ERAP2: variants seen among roughly 807,000 people sequenced by gnomAD.
ERAP2 encodes the protein endoplasmic reticulum aminopeptidase 2.
Under a neutral mutation model 111.1 loss-of-function variants are expected in ERAP2, and 118 were observed. The ratio of observed to expected loss-of-function variants is 1.06; its 90% CI spans 0.92 to 1.24. ERAP2 has a LOEUF of 1.24. Ranked by LOEUF, ERAP2 falls within the 50% of genes most tolerant of loss-of-function variation. The pLI, the probability that ERAP2 is intolerant of heterozygous loss-of-function variation, is 0.00. For synonymous variants in ERAP2, 410 were observed against 401.2 expected, an observed-to-expected ratio of 1.02 and a Z score of -0.26; for missense variants, 1,131 against 1,125.8, an observed-to-expected ratio of 1.00 and a Z score of -0.07.
chr5:96,881,575 G>T, intron 2 of ERAP2: 1 of 441,424 alleles, frequency 2.3e-6, no homozygotes, highest in South Asian at 1.6e-5. Context: ...AACCACACAG[G>T]GGCATATTTT....
intron 4 of ERAP2, among the ~76,000 whole-genome samples, chr5:96,888,391 G>C (rs1187583901): frequency 6.6e-6 from 1 of 152,114 alleles, no homozygotes; most frequent in East Asian, 1.9e-4. Context: ...TTTCAGCCTG[G>C]GTGATCTGGA....
At chr5:96,895,500 A>T in intron 7 of ERAP2, 141 bp downstream of exon 7, 1 of 656,910 alleles carries the variant, frequency 1.5e-6, no homozygotes, top group Non-Finnish European at 2.7e-6. Flanking sequence ...GATACACGAA[A>T]CAGATCACAG....
intron 1 of ERAP2, 120 bp downstream of exon 1, chr5:96,876,647 G>C (rs1782556941): frequency 6.6e-6 from 1 of 152,368 alleles, no homozygotes; most frequent in South Asian, 2.1e-4. Flanking sequence ...GCAAGGTTCT[G>C]GGGGACTGGG....
At chr5:96,887,100 T>TATACAC (rs1478213165) in intron 4 of ERAP2, among the ~76,000 whole-genome samples, 3 of 137,456 alleles carry the variant, frequency 2.2e-5, no homozygotes, top group Non-Finnish European at 4.7e-5. Flanking sequence ...TATATATATA[T>TATACAC]ACACACACAC....
chr5:96,917,411 A>G lies in ERAP2; in HGVS notation c.2740-51A>G, dbSNP rs1242097717. The stretch of plus-strand genomic sequence containing the variant: ...GCTGGGATTACAGGTGTGAACCACC[A>G]CACTCGGCCAAGACAAAGTGTTAGT... On this transcript the variant is annotated intron_variant, in intron 18 of 18. Transcript: ENST00000437043. The G allele has an allele frequency of 2.6e-6, 4 of 1,532,976 alleles. No homozygotes were observed. In the African/African-American group the frequency reaches 5.5e-5, roughly 21 times the overall value. 95.0% of individuals were successfully genotyped at this position (1,532,976 alleles called of 1,614,324 possible). A position where few individuals can be genotyped will look rare whatever the true frequency, so the allele number is the denominator to read the frequency against.
Position 96,879,700 on chromosome 5 carries a change from T to A in ERAP2, c.15T>A (p.Ser5=), listed in dbSNP as rs2151112483. Residue 5 remains serine (S), a synonymous_variant, in exon 2 of 19, where the codon TCT becomes TCA. Coordinates refer to ENST00000437043, the MANE Select transcript of ERAP2 (RefSeq NM_022350.5). MFHS[S]AMVNSHRKPM... ...GAATAGATTTCATGTTCCATTCTTC[T>A]GCAATGGTTAATTCACACAGAAAAC... The A allele has an allele frequency of 1.9e-6, 3 of 1,613,708 alleles. No individual in the cohort carries two copies. The highest frequency in any genetic ancestry group is 2.5e-6 in the Non-Finnish European group (3 of 1,179,586).
rs746235103 is a variant in ERAP2, at chr5:96,917,481, C to T, written c.2759C>T (p.Ser920Phe). 2 of 1,602,550 alleles carry T rather than the reference C, an allele frequency of 1.2e-6. No homozygotes were observed. Among genetic ancestry groups the T allele is most frequent in the East Asian group, 2.3e-5 (1 of 44,434 alleles). Residue 920 changes from serine (S) to phenylalanine (F), a missense_variant, in exon 19 of 19, where the codon TCT becomes TTT. Around this residue, in one of 3 missense-constraint regions of ERAP2, gnomAD observed 279 missense variants for 250.9 expected, o/e 1.11. Transcript: ENST00000437043. ...TTACAGGTGAAACTATTTTTTGAAT[C>T]TCTTGAGGCTCAAGGATCACATCTG... ...KLQEVKLFFE[S>F]LEAQGSHLDI...
Position 96,900,158 on chromosome 5 carries a change from G to C in ERAP2, c.1541G>C (p.Cys514Ser), listed in dbSNP as rs1785294370. 2 of 1,613,852 alleles carry C rather than the reference G, an allele frequency of 1.2e-6. No individual in the cohort carries two copies. The highest frequency in any genetic ancestry group is 4.5e-5 in the East Asian group (2 of 44,878). ...AGTGATTTTACATCTGGTGGAGTTTGTCATTCGGATCCCAAGATGACAAGT... is the reference window on the plus strand; with the variant it reads ...AGTGATTTTACATCTGGTGGAGTTTCTCATTCGGATCCCAAGATGACAAGT... ...LESDFTSGGV[C>S]HSDPKMTSNM... Residue 514 changes from cysteine (C) to serine (S), a missense_variant, in exon 10 of 19, where the codon TGT becomes TCT. Physicochemically the swap from Cys to Ser is moderately radical, Grantham distance 112 (BLOSUM62 -1). Around this residue, in one of 3 missense-constraint regions of ERAP2, gnomAD observed 847 missense variants for 856.5 expected, o/e 0.99. Transcript: ENST00000437043.
At chr5:96,882,794 C>G (rs934239150) in intron 2 of ERAP2, among the ~76,000 whole-genome samples, 1 of 152,198 alleles carries the variant, frequency 6.6e-6, no homozygotes, top group African/African-American at 2.4e-5. Context: ...GTTTCCCAGC[C>G]TGTGTCATAG....
At chr5:96,908,614 A>G (rs1454866216) in intron 13 of ERAP2, among the ~76,000 whole-genome samples, 1 of 152,242 alleles carries the variant, frequency 6.6e-6, no homozygotes, top group Non-Finnish European at 1.5e-5. Flanking sequence ...TTTGGTACTA[A>G]ATGTTAATAT....
At chr5:96,897,397 A>G (rs868671785) in intron 9 of ERAP2, among the ~76,000 whole-genome samples, 30 of 152,176 alleles carry the variant, frequency 2.0e-4, no homozygotes, top group African/African-American at 7.2e-4. Context: ...CCTCCTCCTT[A>G]CAGACTGTTC....
At chr5:96,914,981 C>T (rs911140195) in intron 17 of ERAP2, among the ~76,000 whole-genome samples, 2 of 151,222 alleles carry the variant, frequency 1.3e-5, no homozygotes, top group Non-Finnish European at 2.9e-5. Flanking sequence ...TTTACCATAC[C>T]TTAACATATG....
At chr5:96,877,516 A>G (rs901974050) in intron 1 of ERAP2, among the ~76,000 whole-genome samples, 1 of 152,250 alleles carries the variant, frequency 6.6e-6, no homozygotes, top group Admixed American at 6.5e-5. Flanking sequence ...TATATGCTCC[A>G]TGCTGTGCTG....
rs1330981907 is a variant in ERAP2, at chr5:96,880,115, G to T, written c.430G>T (p.Ala144Ser). 1.2e-6 allele frequency: 2 copies of T among 1,614,020 alleles called. No individual in the cohort carries two copies. The highest frequency in any genetic ancestry group is 1.7e-6 in the Non-Finnish European group (2 of 1,180,016). ...GKELKVLSYPAHEQIALLVPE... is the reference protein window; with the variant it reads ...GKELKVLSYPSHEQIALLVPE... ...AGAACTGAAAGTTTTGAGTTACCCT[G>T]CTCATGAACAAATTGCACTGCTGGT... The change falls in exon 2 of 19, where the codon GCT (alanine) becomes TCT (serine). Residue 144 changes from alanine to serine, a missense_variant. Around this residue, in one of 3 missense-constraint regions of ERAP2, gnomAD observed 847 missense variants for 856.5 expected, o/e 0.99. Transcript: ENST00000437043.
In ERAP2 at chr5:96,903,568, A is replaced by G; in HGVS notation, c.2012+8A>G. 1.3e-6 allele frequency: 2 copies of G among 1,585,994 alleles called. No homozygotes were observed. The highest frequency in any genetic ancestry group is 2.3e-5 in the South Asian group (2 of 86,344). ...TGTGTTTCAGCTAGTTGGGTAAGGCAACATTTCCTCTGACTTCATGCAAAA... is the reference window on the plus strand; with the variant it reads ...TGTGTTTCAGCTAGTTGGGTAAGGCGACATTTCCTCTGACTTCATGCAAAA... On this transcript the variant is annotated splice_region_variant and intron_variant, in intron 13 of 18. Coordinates refer to ENST00000437043, the MANE Select transcript of ERAP2 (RefSeq NM_022350.5).
chr5:96,915,776 G>A lies in ERAP2; in HGVS notation c.2739+7G>A. ...CAAGGATAAGTTGCAAGAGGTTTGTGACTTTCTGTTTTTAACAATTTCAAA... is the reference window on the plus strand; with the variant it reads ...CAAGGATAAGTTGCAAGAGGTTTGTAACTTTCTGTTTTTAACAATTTCAAA... On this transcript the variant is annotated splice_region_variant and intron_variant, in intron 18 of 18. Transcript: ENST00000437043. 6.3e-7 allele frequency: 1 copy of A among 1,587,386 alleles called. No homozygotes were observed. The highest frequency in any genetic ancestry group is 1.2e-5 in the South Asian group (1 of 86,830).
intron 13 of ERAP2, among the ~76,000 whole-genome samples, chr5:96,906,696 T>C (rs17486775): frequency 0.04 from 6,148 of 152,278 alleles, 209 homozygotes; most frequent in Middle Eastern, 0.12. Flanking sequence ...AATTTGCCTA[T>C]AGAAAAAGCT....
rs562455090 is a variant in ERAP2, at chr5:96,891,687, A to G, written c.971-612A>G. ...CACTTTCTTAAGAAGTAGAGGAAAT[A>G]TCAGTGTTGAAAAGGAAATTGAAGT... On this transcript the variant is annotated intron_variant, in intron 5 of 18. Transcript: ENST00000437043. 5.3e-4 allele frequency among the ~76,000 whole-genome samples: 81 copies of G among 152,156 alleles called. No homozygotes were observed. The South Asian group carries it at 0.016, about 30-fold the overall frequency.
At chr5:96,904,901 T>C (rs1454753733) in intron 13 of ERAP2, among the ~76,000 whole-genome samples, 1 of 152,226 alleles carries the variant, frequency 6.6e-6, no homozygotes, top group Non-Finnish European at 1.5e-5. Context: ...AAGTTAAGAA[T>C]ACAAATTTTA....
Sources: allele counts gnomAD v4.1 joint callset (sites outside exome capture counted in the v4.1 genomes callset), GRCh38; gene constraint gnomAD v4.1.1; regional missense constraint gnomAD v4.1.1; transcripts MANE v1.5; gene names NCBI Gene and HGNC (gene_info 2026-07-23, HGNC 2026-07-21).